INSL6: variants seen among roughly 807,000 people sequenced by gnomAD.
INSL6 encodes insulin-like peptide INSL6.
In INSL6, 16 loss-of-function variants were observed where a neutral mutation model predicts 9.4. The ratio of observed to expected loss-of-function variants is 1.70; its 90% CI spans 1.15 to 2.59. The LOEUF is 2.59. Ranked by LOEUF, INSL6 falls within the 30% of genes most tolerant of loss-of-function variation. The pLI is 0.00. For synonymous variants in INSL6, 154 were observed against 96.9 expected (o/e 1.59, Z -3.46); for missense variants, 391 against 257.3 (o/e 1.52, Z -3.56).
the INSL6 span, chr9:5,022,246 T>G: frequency 6.9e-7 from 1 of 1,459,372 alleles, no homozygotes; most frequent in Non-Finnish European, 9.6e-7. Context: ...TTCCTTTTTA[T>G]GCATGGATTG....
At chr9:5,171,022 A>T (rs754459204) in intron 1 of INSL6, among the ~76,000 whole-genome samples, 1 of 152,072 alleles carries the variant, frequency 6.6e-6, no homozygotes, top group Non-Finnish European at 1.5e-5. Flanking sequence ...CCAAAACCTG[A>T]CAGATACAAC....
chr9:5,157,739 C>A (rs899323546), intron 2 of INSL6, among the ~76,000 whole-genome samples: 2 of 152,024 alleles, frequency 1.3e-5, no homozygotes. Flanking sequence ...ACAAATAAAC[C>A]CAGACTGGGA....
chr9:5,129,586 T>A (rs1283998456), intron 3 of INSL6, among the ~76,000 whole-genome samples: 1 of 152,126 alleles, frequency 6.6e-6, no homozygotes, highest in Non-Finnish European at 1.5e-5. Context: ...GTCAGCAGGA[T>A]TATCCAAACA....
intron 2 of INSL6, among the ~76,000 whole-genome samples, chr9:5,144,633 A>C (rs1824562998): frequency 6.6e-6 from 1 of 152,180 alleles, no homozygotes; most frequent in Admixed American, 6.5e-5. Context: ...AAAGTCTCCA[A>C]GAATTTGCTT....
chr9:5,003,810 T>G, the INSL6 span, among the ~76,000 whole-genome samples: 1 of 151,964 alleles, frequency 6.6e-6, no homozygotes. Context: ...GATCAATATT[T>G]TACCATTAGG....
intron 3 of INSL6, chr9:5,132,891 G>C (rs1355799967): frequency 1.3e-5 from 2 of 152,164 alleles, no homozygotes; most frequent in African/African-American, 2.4e-5. Context: ...TTTCAGTTCT[G>C]CTACCGCTCT....
chr9:5,033,893 T>A, the INSL6 span, among the ~76,000 whole-genome samples: 2 of 152,104 alleles, frequency 1.3e-5, no homozygotes, highest in Non-Finnish European at 2.9e-5. Context: ...CATAACAATA[T>A]TAACCTTAAA....
At chr9:5,041,552 G>C in the INSL6 span, 4 of 530,462 alleles carry the variant, frequency 7.5e-6, no homozygotes, top group Non-Finnish European at 1.5e-5. Flanking sequence ...ACTTCCCAGA[G>C]GAGATGGCTA....
At chr9:5,113,372 T>C in the INSL6 span, among the ~76,000 whole-genome samples, 9 of 148,042 alleles carry the variant, frequency 6.1e-5, no homozygotes, top group East Asian at 1.6e-3. Context: ...CAGCAGCAAA[T>C]TGTGCCTAAG....
downstream of INSL6, among the ~76,000 whole-genome samples, chr9:5,120,967 C>G (rs1382540824): frequency 6.6e-6 from 1 of 152,044 alleles, no homozygotes; most frequent in African/African-American, 2.4e-5. Flanking sequence ...GAGCACTAAA[C>G]AAAGGTCAAA....
chr9:5,058,446 A>T, the INSL6 span, among the ~76,000 whole-genome samples: 1 of 152,172 alleles, frequency 6.6e-6, no homozygotes, highest in Admixed American at 6.5e-5. Context: ...TATCATGAGA[A>T]CAGCATGGGG....
At chr9:5,112,696 G>C in the INSL6 span, 1 of 897,224 alleles carries the variant, frequency 1.1e-6, no homozygotes, top group Non-Finnish European at 1.6e-6. Flanking sequence ...TGAATTTGGA[G>C]CAGCAAGTGC....
the INSL6 span, among the ~76,000 whole-genome samples, chr9:5,068,085 G>A: frequency 5.3e-5 from 8 of 151,692 alleles, no homozygotes; most frequent in Non-Finnish European, 8.8e-5. Context: ...GCTTGAACCC[G>A]GGAGGTGGAG....
At chr9:5,028,679 C>T in the INSL6 span, among the ~76,000 whole-genome samples, 2 of 152,170 alleles carry the variant, frequency 1.3e-5, no homozygotes, top group Non-Finnish European at 2.9e-5. Context: ...TTGCTGCATC[C>T]TCTCCATCAA....
chr9:5,020,218 A>G, the INSL6 span, among the ~76,000 whole-genome samples: 1 of 152,158 alleles, frequency 6.6e-6, no homozygotes, highest in African/African-American at 2.4e-5. Flanking sequence ...GCAGGTGGCA[A>G]GTGTGAGTGG....
At chr9:5,069,293 A>G in the INSL6 span, 1 of 834,070 alleles carries the variant, frequency 1.2e-6, no homozygotes, top group African/African-American at 1.7e-5. Flanking sequence ...TTGATTTCAA[A>G]GGATATATGA....
At chr9:5,078,659 T>A in the INSL6 span, among the ~76,000 whole-genome samples, 4 of 152,186 alleles carry the variant, frequency 2.6e-5, no homozygotes, top group African/African-American at 9.6e-5. Context: ...GGTGATTTTT[T>A]AAAAACAGTT....
Position 5,164,055 on chromosome 9 carries a change from G to A in INSL6, c.500C>T (p.Pro167Leu), listed in dbSNP as rs1015081490. ...TGAATATCCTCTGCGTTTTCTTTGG[G>A]GATGATGCCCCCAAAACAAATTGCT... is the stretch of plus-strand genomic sequence containing the variant. ...TLSNLFWGHHPQRKRRGYSEK... is the reference protein window; with the variant it reads ...TLSNLFWGHHLQRKRRGYSEK... The change falls in exon 2 of 2, where the codon CCC becomes CTC. Residue 167 changes from proline (P) to leucine (L), a missense_variant. Coordinates refer to ENST00000381641, the MANE Select transcript of INSL6 (RefSeq NM_007179.3). 2 of 1,613,462 alleles carry A rather than the reference G, an allele frequency of 1.2e-6. No homozygotes were observed. The highest frequency in any genetic ancestry group is 3.3e-5 in the Admixed American group (2 of 59,978).
chr9:5,085,342 A>G, the INSL6 span: 3 of 887,224 alleles, frequency 3.4e-6, no homozygotes, highest in South Asian at 2.6e-5. Context: ...AGCTATTCCT[A>G]CATTTTTTCC....
Sources: gnomAD v4.1 joint callset for allele counts (sites outside exome capture counted in the v4.1 genomes callset) on GRCh38, gnomAD v4.1.1 for gene constraint, MANE v1.5 for transcripts, NCBI Gene and HGNC (gene_info 2026-07-23, HGNC 2026-07-21) for gene names.